FUZ: variants seen among roughly 807,000 people sequenced by gnomAD.
The protein encoded by FUZ is protein fuzzy homolog.
In FUZ, 31 loss-of-function variants were observed where a neutral mutation model predicts 43.1. The ratio of observed to expected loss-of-function variants is 0.72; its 90% CI spans 0.54 to 0.97. The LOEUF is 0.97. Among genes scored for constraint, FUZ ranks in the 50% least tolerant of loss-of-function variants. The pLI, the probability that FUZ is intolerant of heterozygous loss-of-function variation, is 0.00. For missense variants in FUZ, 539 were observed against 543.8 expected (o/e 0.99, Z 0.09); for synonymous variants, 274 against 250.0 (o/e 1.10, Z -0.91).
chr19:49,812,487 A>T, intron 2 of FUZ, 128 bp downstream of exon 2: 2 of 1,407,346 alleles, frequency 1.4e-6, no homozygotes, highest in Non-Finnish European at 2.0e-6. Context: ...AAAGAGGGTA[A>T]CTGGCTTGCT....
chr19:49,809,617 C>T lies in FUZ; in HGVS notation c.493-42G>A, dbSNP rs1214213389. 1.3e-6 allele frequency: 2 copies of T among 1,548,048 alleles called. No homozygotes were observed. Among genetic ancestry groups the T allele is most frequent in the South Asian group, 1.2e-5 (1 of 85,032 alleles). ...GGAGGACTGGGAGTCAGCAGACAAG[C>T]GTAGGGGGTGGCAGCGACTTCCCAG... On this transcript the variant is annotated intron_variant, in intron 5 of 10. Coordinates refer to ENST00000313777, the MANE Select transcript of FUZ (RefSeq NM_025129.5). This position sits in a 1 kb window ranked among gnomAD's most constrained non-coding sequence, Gnocchi z 5.1.
Position 49,808,477 on chromosome 19 carries a change from CTGG to C in FUZ, c.967_969del (p.Pro323del), listed in dbSNP as rs1414529532. The stretch of plus-strand genomic sequence containing the variant: ...TTTCGGAGGAGGCGCCGGCGCTGTT[CTGG>C]TGAAGGCTCTGCTGGGAGGAAAAGG... On this transcript the variant is annotated inframe_deletion, in exon 10 of 11. Transcript: ENST00000313777. 6.2e-6 allele frequency: 10 copies of C among 1,611,810 alleles called. No individual in the cohort carries two copies. In the African/African-American group the frequency reaches 9.3e-5, roughly 15 times the overall value.
Position 49,809,122 on chromosome 19 carries a change from G to C in FUZ, c.786+41C>G. On this transcript the variant is annotated intron_variant, in intron 7 of 10. Coordinates refer to ENST00000313777, the MANE Select transcript of FUZ (RefSeq NM_025129.5). This position sits in a 1 kb window ranked among gnomAD's most constrained non-coding sequence, Gnocchi z 5.1. The stretch of plus-strand genomic sequence containing the variant: ...GGTGGGGAAGGGCCCTCCTGGTAGC[G>C]GGTGTCCTAAGAGCGAAAGCGGGAC... 3 of 1,525,154 alleles carry C rather than the reference G, an allele frequency of 2.0e-6. No homozygotes were observed. The highest frequency in any genetic ancestry group is 2.7e-6 in the Non-Finnish European group (3 of 1,123,766). The allele number at this position is 1,525,154 out of a possible 1,614,324, so 94.5% of individuals were successfully genotyped here. A position where few individuals can be genotyped will look rare whatever the true frequency, so the allele number is the denominator to read the frequency against.
chr19:49,807,011 G>C lies in FUZ; in HGVS notation c.*140C>G, dbSNP rs755657628. 4.9e-5 allele frequency: 75 copies of C among 1,520,644 alleles called. No individual in the cohort carries two copies. Among genetic ancestry groups the C allele is most frequent in the Non-Finnish European group, 6.3e-5 (72 of 1,137,530 alleles). The allele number at this position is 1,520,644 out of a possible 1,614,324, so 94.2% of individuals were successfully genotyped here. A position where few individuals can be genotyped will look rare whatever the true frequency, so the allele number is the denominator to read the frequency against. ...AGAGGGGAGAGGGGCCAGGGAAGTG[G>C]ATGTCTCCTCCCCTCCCACCCCACC... On this transcript the variant is annotated 3_prime_UTR_variant, in exon 11 of 11. Transcript: ENST00000313777.
chr19:49,812,522 G>A (rs755139624), intron 2 of FUZ, 93 bp downstream of exon 2: 1 of 1,560,598 alleles, frequency 6.4e-7, no homozygotes, highest in Admixed American at 1.7e-5. Flanking sequence ...CAAATTAACA[G>A]CTGCTTTTAG....
At chr19:49,808,972 A>G (rs1052436944) in intron 7 of FUZ, 149 bp from the exon 8 acceptor site, 2 of 864,540 alleles carry the variant, frequency 2.3e-6, no homozygotes, top group Non-Finnish European at 3.7e-6. Flanking sequence ...GGGACTGGGG[A>G]AGGGGCGAGG....
At chr19:49,811,537 G>C in intron 4 of FUZ, 70 bp from the exon 5 acceptor site, 4 of 1,576,812 alleles carry the variant, frequency 2.5e-6, no homozygotes, top group Non-Finnish European at 3.5e-6. Flanking sequence ...GAACCTGTGG[G>C]ACCAGGCTGC....
chr19:49,810,905 T>C (rs2073748176), intron 5 of FUZ: 1 of 331,128 alleles, frequency 3.0e-6, no homozygotes, highest in South Asian at 2.5e-5. Flanking sequence ...ATCCCAGCAC[T>C]GTGGGAGGCC....
chr19:49,808,521 C>T, intron 9 of FUZ, 33 bp from the exon 10 acceptor site: 1 of 1,599,362 alleles, frequency 6.3e-7, no homozygotes, highest in Non-Finnish European at 8.5e-7. Context: ...ATGCAGAGCG[C>T]CTCCCCGGCC....
rs757468560 is a variant in FUZ, at chr19:49,811,334, TG to T, written c.492+28del. 1.5e-5 allele frequency: 22 copies of T among 1,462,040 alleles called. No homozygotes were observed. The South Asian group carries it at 2.6e-4, about 17-fold the overall frequency. 90.6% of individuals were successfully genotyped at this position (1,462,040 alleles called of 1,614,324 possible). ...ACTGAGCCAGGGCCAGCAGAACAGG[TG>T]TAAGAGTTTCCATAGCATCCCCAGT... is the stretch of plus-strand genomic sequence containing the variant. On this transcript the variant is annotated intron_variant, in intron 5 of 10. Transcript: ENST00000313777.
chr19:49,810,748 G>A (rs2073735555), intron 5 of FUZ, among the ~76,000 whole-genome samples: 1 of 152,088 alleles, frequency 6.6e-6, no homozygotes, highest in Non-Finnish European at 1.5e-5. Context: ...TACTGGGGAG[G>A]CTGAGATGAG....
intron 3 of FUZ, among the ~76,000 whole-genome samples, chr19:49,812,015 C>T (rs543467194): frequency 9.9e-4 from 151 of 152,164 alleles, no homozygotes; most frequent in African/African-American, 3.2e-3. Context: ...AGCTGAGGCA[C>T]GAGAATCGCT....
chr19:49,807,071 G>A lies in FUZ; in HGVS notation c.*80C>T, dbSNP rs763578121. The A allele has an allele frequency of 3.7e-6, 5 of 1,354,166 alleles. No individual in the cohort carries two copies. The Admixed American group carries it at 9.7e-5, about 26-fold the overall frequency. 83.9% of individuals were successfully genotyped at this position (1,354,166 alleles called of 1,614,324 possible). ...CCCCTCCTACCCCCTCCCCATCCAG[G>A]GGCTGTGTATTATTGTGAGCGAATA... On this transcript the variant is annotated 3_prime_UTR_variant, in exon 11 of 11. Transcript: ENST00000313777.
chr19:49,812,939 C>A, intron 1 of FUZ, 57 bp downstream of exon 1: 1 of 1,469,420 alleles, frequency 6.8e-7, no homozygotes, highest in South Asian at 1.2e-5. Flanking sequence ...GCCTTGAAGA[C>A]CCAGAGTCAA....
upstream of FUZ, chr19:49,813,430 A>G: frequency 2.3e-6 from 1 of 440,528 alleles, no homozygotes; most frequent in South Asian, 2.1e-5. Context: ...GCCGGATTGA[A>G]GATGATGACT....
At chr19:49,813,397 G>A (rs2073883720), upstream of FUZ, 2 of 499,718 alleles carry the variant, frequency 4.0e-6, no homozygotes. Flanking sequence ...TAGTTTCTCC[G>A]AGGAGGTAAA....
At chr19:49,811,760 AG>A in intron 3 of FUZ, 61 bp from the exon 4 acceptor site, 1 of 1,363,874 alleles carries the variant, frequency 7.3e-7, no homozygotes, top group Non-Finnish European at 1.0e-6. Context: ...CTGGGTCTGA[AG>A]GAAGAGGGGG....
At position 49,807,227 on chromosome 19, in the gene FUZ, A is replaced by G. The variant is rs746159888; in HGVS notation, c.1181T>C (p.Leu394Pro). 5.7e-6 allele frequency: 9 copies of G among 1,570,106 alleles called. No individual in the cohort carries two copies. Among genetic ancestry groups the G allele is most frequent in the Non-Finnish European group, 1.7e-6 (2 of 1,156,780 alleles). ...CCCATGGGTGGGACTCTGGGGAGAC[A>G]GCAGCAGCAGCAGCCGCCGAAGCCC... The part of the protein sequence containing the change: ...QLGLRRLLLL[L>P]SPQSPTHGLR... Residue 394 changes from leucine (L) to proline (P), a missense_variant, in exon 11 of 11, where the codon CTG becomes CCG. Transcript: ENST00000313777.
intron 4 of FUZ, 75 bp from the exon 5 acceptor site, chr19:49,811,542 G>C: frequency 6.4e-7 from 1 of 1,571,952 alleles, no homozygotes. Context: ...TGTGGGACCA[G>C]GCTGCCCCAG....
Sources: allele counts gnomAD v4.1 joint callset (sites outside exome capture counted in the v4.1 genomes callset), GRCh38; gene constraint gnomAD v4.1.1; non-coding constraint Gnocchi (gnomAD v3.1); transcripts MANE v1.5; gene names NCBI Gene and HGNC (gene_info 2026-07-23, HGNC 2026-07-21).